PSMA5: variants seen among roughly 807,000 people sequenced by gnomAD.
PSMA5 encodes proteasome subunit alpha type-5.
A neutral mutation model predicts 34.5 loss-of-function variants in PSMA5; 3 were observed. The ratio of observed to expected loss-of-function variants is 0.09; its 90% CI spans 0.04 to 0.22. The LOEUF (loss-of-function observed/expected upper bound fraction) is 0.22. PSMA5 is among the 10% of genes least tolerant of loss of function. PSMA5 has a pLI of 1.00. For synonymous variants in PSMA5, 88 were observed against 95.8 expected (o/e 0.92, Z 0.47); for missense variants, 120 against 286.1 (o/e 0.42, Z 4.19).
intron 6 of PSMA5, 83 bp from the exon 7 acceptor site, chr1:109,411,196 A>G: frequency 1.1e-6 from 1 of 924,666 alleles, no homozygotes; most frequent in Middle Eastern, 2.1e-4. Flanking sequence ...AACAAAGTAT[A>G]AATGCTTGGC....
intron 8 of PSMA5, among the ~76,000 whole-genome samples, chr1:109,408,303 T>C (rs1475655604): frequency 2.0e-5 from 3 of 152,192 alleles, no homozygotes; most frequent in African/African-American, 7.2e-5. Context: ...TATTTTTACA[T>C]CTTGAACCCT....
In PSMA5 at chr1:109,401,128, G is replaced by A. The variant is rs899132949; in HGVS notation, c.*885C>T. 2.0e-5 allele frequency: 3 copies of A among 152,184 alleles called. No homozygotes were observed. Among genetic ancestry groups the A allele is most frequent in the Non-Finnish European group, 2.9e-5 (2 of 68,040 alleles). The allele number at this position is 152,184 out of a possible 1,614,324, so 9.4% of individuals were successfully genotyped here. A position where few individuals can be genotyped will look rare whatever the true frequency, so the allele number is the denominator to read the frequency against. On this transcript the variant is annotated 3_prime_UTR_variant, in exon 9 of 9. Transcript: ENST00000271308. ...AATCTCCACCAATCATATGATGGCA[G>A]CTCTAATGGGGAAAGTTCATCATTC...
At position 109,409,833 on chromosome 1, in the gene PSMA5, G is replaced by T. The variant is rs560001494; in HGVS notation, c.648+95C>A. 90 of 801,054 alleles carry T rather than the reference G, an allele frequency of 1.1e-4. No homozygotes were observed. In the African/African-American group the frequency reaches 1.4e-3, roughly 13 times the overall value. 49.6% of individuals were successfully genotyped at this position (801,054 alleles called of 1,614,324 possible). A position where few individuals can be genotyped will look rare whatever the true frequency, so the allele number is the denominator to read the frequency against. On this transcript the variant is annotated intron_variant, in intron 8 of 8. Coordinates refer to ENST00000271308, the MANE Select transcript of PSMA5 (RefSeq NM_002790.4). ...AGAGGCTGGGGTGGGAGGACTACTT[G>T]AACTCATGAGTTCAAGACCAGTCTA...
At chr1:109,413,165 G>A in intron 3 of PSMA5, 30 bp from the exon 4 acceptor site, 3 of 1,602,368 alleles carry the variant, frequency 1.9e-6, no homozygotes, top group Non-Finnish European at 2.6e-6. Flanking sequence ...GTGACCCAGT[G>A]GCCAAATCCT....
In PSMA5 at chr1:109,426,081, C is replaced by G; in HGVS notation, c.29+221G>C. 3 of 604,486 alleles carry G rather than the reference C, an allele frequency of 5.0e-6. No homozygotes were observed. In the South Asian group the frequency reaches 6.1e-5, roughly 12 times the overall value. The allele number at this position is 604,486 out of a possible 1,614,324, so 37.4% of individuals were successfully genotyped here. A position where few individuals can be genotyped will look rare whatever the true frequency, so the allele number is the denominator to read the frequency against. On this transcript the variant is annotated intron_variant, in intron 1 of 8. Transcript: ENST00000271308. ...CAGCCGGAGCTTCTCGCTTCCGCAC[C>G]GAGTTAGGACCCAGGGGTGACTCAG... is the stretch of plus-strand genomic sequence containing the variant.
chr1:109,408,081 TG>T (rs1653852917), intron 8 of PSMA5, among the ~76,000 whole-genome samples: 1 of 152,314 alleles, frequency 6.6e-6, no homozygotes, highest in African/African-American at 2.4e-5. Context: ...TGGGGAAATG[TG>T]GGACATCTCT....
At chr1:109,403,836 G>C (rs771781670) in intron 8 of PSMA5, among the ~76,000 whole-genome samples, 8 of 151,670 alleles carry the variant, frequency 5.3e-5, no homozygotes, top group Admixed American at 5.3e-4. Context: ...TGATATCTGG[G>C]AACAGACTTA....
chr1:109,424,326 G>A (rs533304531), intron 1 of PSMA5, among the ~76,000 whole-genome samples: 131 of 151,492 alleles, frequency 8.6e-4, no homozygotes, highest in Non-Finnish European at 1.1e-3. Context: ...CAAGGTCAGC[G>A]CCACCACACC....
At chr1:109,417,344 G>T (rs1030778956) in intron 2 of PSMA5, among the ~76,000 whole-genome samples, 1 of 152,186 alleles carries the variant, frequency 6.6e-6, no homozygotes, top group African/African-American at 2.4e-5. Flanking sequence ...CGTAAAGAAA[G>T]TAAAGAAACA....
intron 8 of PSMA5, among the ~76,000 whole-genome samples, chr1:109,403,641 T>A (rs1423247165): frequency 6.6e-6 from 1 of 151,908 alleles, no homozygotes; most frequent in Non-Finnish European, 1.5e-5. Flanking sequence ...AACAATAAAT[T>A]AATTAATAAT....
intron 7 of PSMA5, among the ~76,000 whole-genome samples, chr1:109,410,551 T>A (rs953213593): frequency 2.0e-5 from 3 of 152,160 alleles, no homozygotes; most frequent in Admixed American, 2.0e-4. Context: ...AATCTTCCCA[T>A]CTCACAAAGA....
At chr1:109,411,669 G>A (rs1254440381) in intron 6 of PSMA5, among the ~76,000 whole-genome samples, 2 of 151,988 alleles carry the variant, frequency 1.3e-5, no homozygotes, top group Non-Finnish European at 2.9e-5. Flanking sequence ...TATCCAGGCT[G>A]GAGTGCAGTG....
At chr1:109,408,469 A>G (rs1653871152) in intron 8 of PSMA5, among the ~76,000 whole-genome samples, 1 of 152,112 alleles carries the variant, frequency 6.6e-6, no homozygotes, top group Non-Finnish European at 1.5e-5. Flanking sequence ...CCAGGTTCTT[A>G]TTATCTATAT....
intron 8 of PSMA5, among the ~76,000 whole-genome samples, chr1:109,405,447 G>GTTTTTT (rs11390638): frequency 1.0e-4 from 12 of 118,280 alleles, no homozygotes; most frequent in East Asian, 2.6e-4. Flanking sequence ...GTCAGAAAAG[G>GTTTTTT]TTTTTTTTTT....
chr1:109,419,798 C>CAAAAAAAA (rs57566863), intron 2 of PSMA5, among the ~76,000 whole-genome samples: 12 of 31,022 alleles, frequency 3.9e-4, no homozygotes, highest in African/African-American at 1.4e-3. Flanking sequence ...GACTCCGTCT[C>CAAAAAAAA]AAAAAAAAAA....
rs1653974860 is a variant in PSMA5 at position 109,411,183 on chromosome 1, T to C, written c.459-70A>G. 3 of 1,040,928 alleles carry C rather than the reference T, an allele frequency of 2.9e-6. No homozygotes were observed. The African/African-American group carries it at 4.8e-5, about 17-fold the overall frequency. 64.5% of individuals were successfully genotyped at this position (1,040,928 alleles called of 1,614,324 possible). ...GCACTTTATGTAACAAACGTCTCAC[T>C]AAAACAAAGTATAAATGCTTGGCCC... On this transcript the variant is annotated intron_variant, in intron 6 of 8. Coordinates refer to ENST00000271308, the MANE Select transcript of PSMA5 (RefSeq NM_002790.4).
intron 4 of PSMA5, chr1:109,412,857 C>G (rs1407428377): frequency 2.1e-6 from 1 of 474,628 alleles, no homozygotes; most frequent in Non-Finnish European, 3.7e-6. Context: ...ACACTGTCAG[C>G]ACTACTGACC....
At chr1:109,412,318 C>A (rs1456670559) in intron 4 of PSMA5, 134 bp from the exon 5 acceptor site, 5 of 689,890 alleles carry the variant, frequency 7.2e-6, no homozygotes, top group Admixed American at 2.4e-5. Context: ...TTAACATTAA[C>A]CCTGAGTACT....
Position 109,412,200 on chromosome 1 carries a change from A to G in PSMA5, c.292-16T>C. ...ACCAGTGGTTCTAGAAGAAGAGCAA[A>G]GCATGGTACAACCTTCTAATAAGGA... is the stretch of plus-strand genomic sequence containing the variant. On this transcript the variant is annotated splice_polypyrimidine_tract_variant and intron_variant, in intron 4 of 8. Transcript: ENST00000271308. 2 of 1,592,902 alleles carry G rather than the reference A, an allele frequency of 1.3e-6. No homozygotes were observed. Among genetic ancestry groups the G allele is most frequent in the Non-Finnish European group, 8.6e-7 (1 of 1,160,698 alleles).
Sources: gnomAD v4.1 joint callset for allele counts (sites outside exome capture counted in the v4.1 genomes callset) on GRCh38, gnomAD v4.1.1 for gene constraint, MANE v1.5 for transcripts, NCBI Gene and HGNC (gene_info 2026-07-23, HGNC 2026-07-21) for gene names.